Variants in LARP4B observed in about 807,000 individuals in gnomAD.
LARP4B encodes La ribonucleoprotein 4B, also known as la-related protein 4B.
A neutral mutation model predicts 89.8 loss-of-function variants in LARP4B; 12 were observed. That is an observed-to-expected ratio of 0.13 (90% confidence interval 0.09 to 0.22). The LOEUF is 0.22. Ranked by LOEUF, LARP4B falls within the 10% of genes least tolerant of loss-of-function variation. The pLI is 1.00. For synonymous variants in LARP4B, 367 were observed against 363.3 expected, an observed-to-expected ratio of 1.01 and a Z score of -0.12; for missense variants, 757 against 947.7, an observed-to-expected ratio of 0.80 and a Z score of 2.64.
chr10:840,118 G>C (rs1165819538), intron 7 of LARP4B, among the ~76,000 whole-genome samples: 1 of 152,134 alleles, frequency 6.6e-6, no homozygotes, highest in Admixed American at 6.5e-5. Flanking sequence ...GGAGGGGGTA[G>C]AGGACGCTTG....
At chr10:917,087 G>T (rs1417560195) in intron 1 of LARP4B, among the ~76,000 whole-genome samples, 1 of 152,164 alleles carries the variant, frequency 6.6e-6, no homozygotes, top group African/African-American at 2.4e-5. Flanking sequence ...ATAAACTGTT[G>T]TGTTCATGAT....
the LARP4B span, among the ~76,000 whole-genome samples, chr10:960,973 A>C: frequency 1.2e-4 from 19 of 152,160 alleles, no homozygotes; most frequent in Non-Finnish European, 1.8e-4. Flanking sequence ...AAAGCCCCAG[A>C]GAGGCAGAAC....
At chr10:897,389 G>C (rs1013751597) in intron 1 of LARP4B, among the ~76,000 whole-genome samples, 2 of 152,016 alleles carry the variant, frequency 1.3e-5, no homozygotes, top group Admixed American at 6.6e-5. Context: ...ATGAACCAAA[G>C]AACTAAATGT....
chr10:811,247 C>T lies in LARP4B; in HGVS notation c.*1679G>A, dbSNP rs771130077. 7 of 152,606 alleles carry T rather than the reference C, an allele frequency of 4.6e-5. No individual in the cohort carries two copies. The highest frequency in any genetic ancestry group is 1.3e-4 in the Admixed American group (2 of 15,278). 9.5% of individuals were successfully genotyped at this position (152,606 alleles called of 1,614,324 possible). On this transcript the variant is annotated 3_prime_UTR_variant, in exon 18 of 18. Coordinates refer to ENST00000316157, the MANE Select transcript of LARP4B (RefSeq NM_015155.3). ...CACAACATTTAGTTTATCTACATCC[C>T]GCTCAACAGCAACATTTATAATATA... is the stretch of plus-strand genomic sequence containing the variant.
chr10:979,223 C>T, the LARP4B span, among the ~76,000 whole-genome samples: 1 of 152,200 alleles, frequency 6.6e-6, no homozygotes, highest in Non-Finnish European at 1.5e-5. Context: ...ATTGGACAAA[C>T]ATTTGCTCTC....
In LARP4B at chr10:813,811, T is replaced by C. The variant is rs548606137; in HGVS notation, c.1930-598A>G. Among the ~76,000 whole-genome samples the C allele has an allele frequency of 2.5e-4, 38 of 151,636 alleles. 1 individual carries two copies. The South Asian group carries it at 7.3e-3, about 29-fold the overall frequency. On this transcript the variant is annotated intron_variant, in intron 17 of 17. Transcript: ENST00000316157. ...TATTTCCCTTAATAACTTTTTTTTT[T>C]TTTTTTTTGAGACACAGTCTCACTC... is the stretch of plus-strand genomic sequence containing the variant.
chr10:889,337 C>T (rs1297610767), intron 1 of LARP4B, among the ~76,000 whole-genome samples: 2 of 152,284 alleles, frequency 1.3e-5, no homozygotes, highest in Admixed American at 1.3e-4. Flanking sequence ...TGGGAACCAT[C>T]CCCGAGAGGA....
intron 11 of LARP4B, among the ~76,000 whole-genome samples, chr10:827,061 G>A (rs1348389914): frequency 6.6e-6 from 1 of 152,160 alleles, no homozygotes; most frequent in Non-Finnish European, 1.5e-5. Flanking sequence ...GGATCAAAAG[G>A]TCAGGAGATC....
intron 5 of LARP4B, among the ~76,000 whole-genome samples, chr10:846,801 A>C (rs945847232): frequency 6.6e-6 from 1 of 152,128 alleles, no homozygotes; most frequent in Admixed American, 6.5e-5. Flanking sequence ...CCACAAGGGA[A>C]GGAAGAAAAG....
At chr10:983,680 C>T in the LARP4B span, among the ~76,000 whole-genome samples, 1 of 152,206 alleles carries the variant, frequency 6.6e-6, no homozygotes, top group South Asian at 2.1e-4. Flanking sequence ...TTTTCTGAAC[C>T]GAATTACCTC....
chr10:967,429 G>A, the LARP4B span, among the ~76,000 whole-genome samples: 1 of 152,144 alleles, frequency 6.6e-6, no homozygotes, highest in Non-Finnish European at 1.5e-5. Context: ...AAGGTTGGAA[G>A]ATAAAATCTT....
At chr10:818,064 G>T in intron 14 of LARP4B, 175 bp from the exon 15 acceptor site, 1 of 587,992 alleles carries the variant, frequency 1.7e-6, no homozygotes, top group Non-Finnish European at 2.9e-6. Flanking sequence ...CTAGAGCAGA[G>T]CTGTAAAACT....
intron 5 of LARP4B, among the ~76,000 whole-genome samples, chr10:849,028 G>C (rs1281284854): frequency 6.6e-6 from 1 of 152,226 alleles, no homozygotes; most frequent in Non-Finnish European, 1.5e-5. Context: ...AACGGCGGCA[G>C]ACTGCCCTGA....
At chr10:847,217 A>G (rs1833817961) in intron 5 of LARP4B, among the ~76,000 whole-genome samples, 3 of 152,196 alleles carry the variant, frequency 2.0e-5, no homozygotes, top group Non-Finnish European at 4.4e-5. Flanking sequence ...GATGAGAGAT[A>G]ATACCACCTT....
chr10:863,826 G>A lies in LARP4B; in HGVS notation c.347C>T (p.Pro116Leu), dbSNP rs140866892. 499 of 1,613,986 alleles carry A rather than the reference G, an allele frequency of 3.1e-4. No individual in the cohort carries two copies. Among genetic ancestry groups the A allele is most frequent in the Admixed American group, 2.2e-3 (133 of 59,986 alleles). The change falls in exon 5 of 18, where the codon CCG (proline) becomes CTG (leucine). Residue 116 changes from proline (P) to leucine (L), a missense_variant. By Grantham distance (98) the Pro-to-Leu change is moderately conservative. Transcript: ENST00000316157. The stretch of plus-strand genomic sequence containing the variant: ...CATGTCTGCTGGGTCCGACTCCTGC[G>A]GGTCTGGCAATGCGGCATTCTCATG... ...QGHENAALPD[P>L]QESDPADMNA...
At chr10:863,535 T>C (rs1834735860) in intron 5 of LARP4B, among the ~76,000 whole-genome samples, 1 of 152,158 alleles carries the variant, frequency 6.6e-6, no homozygotes, top group African/African-American at 2.4e-5. Flanking sequence ...GGCCCAGGTT[T>C]CATCTTTTGA....
intron 8 of LARP4B, 92 bp from the exon 9 acceptor site, chr10:831,069 G>A (rs193014007): frequency 1.6e-5 from 9 of 567,692 alleles, no homozygotes; most frequent in East Asian, 9.1e-5. Flanking sequence ...TTCTCTTAAG[G>A]AACTATCCTT....
chr10:914,932 T>A (rs1007918816), intron 1 of LARP4B, among the ~76,000 whole-genome samples: 1 of 151,578 alleles, frequency 6.6e-6, no homozygotes, highest in African/African-American at 2.4e-5. Flanking sequence ...TTGTGTGTAA[T>A]CAAGCTTGCT....
intron 2 of LARP4B, 92 bp from the exon 3 acceptor site, chr10:884,598 A>G: frequency 1.3e-6 from 1 of 755,140 alleles, no homozygotes; most frequent in Non-Finnish European, 2.3e-6. Context: ...AACTAAACCC[A>G]CCAAGAAATG....
Sources: allele counts gnomAD v4.1 joint callset (sites outside exome capture counted in the v4.1 genomes callset), GRCh38; gene constraint gnomAD v4.1.1; transcripts MANE v1.5; gene names NCBI Gene and HGNC (gene_info 2026-07-23, HGNC 2026-07-21).